CDH13: variants seen among roughly 807,000 people sequenced by gnomAD.
CDH13 encodes cadherin 13, also known as cadherin-13.
A neutral mutation model predicts 63.8 loss-of-function variants in CDH13; 24 were observed. That is an observed-to-expected ratio of 0.38 (90% CI 0.27 to 0.53). The LOEUF (loss-of-function observed/expected upper bound fraction) is 0.53, where lower values mean the gene tolerates loss of function less well. Ranked by LOEUF, CDH13 falls within the 20% of genes least tolerant of loss-of-function variation. The pLI, the probability that CDH13 is intolerant of heterozygous loss-of-function variation, is 0.85. For synonymous variants in CDH13, 503 were observed against 355.3 expected (o/e 1.42, Z -4.67); for missense variants, 1,049 against 903.1 (o/e 1.16, Z -2.07).
rs1555529667 is a variant in CDH13, at chr16:82,656,306, G to GGTGT, written c.45+29171_45+29174dup. ...GGAGTGCACCTGGTTGCATTTGAAT[G>GGTGT]GTGTGCGTGTGTGTGTGTGTGTGTG... On this transcript the variant is annotated intron_variant, in intron 1 of 13. Transcript: ENST00000567109. Among the ~76,000 whole-genome samples the GGTGT allele has an allele frequency of 5.8e-4, 85 of 147,316 alleles. 1 individual carries two copies. The highest frequency in any genetic ancestry group is 2.1e-3 in the African/African-American group (82 of 38,208).
chr16:82,959,314 G>C (rs1475178546), intron 2 of CDH13, among the ~76,000 whole-genome samples: 1 of 152,176 alleles, frequency 6.6e-6, no homozygotes, highest in Non-Finnish European at 1.5e-5. Context: ...AAACCTGCAT[G>C]GTGATTTTTG....
intron 1 of CDH13, among the ~76,000 whole-genome samples, chr16:82,853,391 A>C (rs2039570979): frequency 6.6e-6 from 1 of 152,212 alleles, no homozygotes; most frequent in African/African-American, 2.4e-5. Flanking sequence ...ATGAATATGG[A>C]TTTAAATATA....
intron 4 of CDH13, among the ~76,000 whole-genome samples, chr16:83,173,661 A>G (rs1016100860): frequency 2.0e-5 from 3 of 152,102 alleles, no homozygotes; most frequent in East Asian, 3.8e-4. Context: ...CTGTATTTTT[A>G]TTTGCAAAAT....
At chr16:83,399,111 G>T (rs2091929858) in intron 6 of CDH13, among the ~76,000 whole-genome samples, 1 of 152,174 alleles carries the variant, frequency 6.6e-6, no homozygotes, top group Admixed American at 6.5e-5. Flanking sequence ...CATTGCCATG[G>T]CATGTTTCAA....
chr16:83,328,375 A>G (rs2090414123), intron 5 of CDH13, among the ~76,000 whole-genome samples: 1 of 152,170 alleles, frequency 6.6e-6, no homozygotes, highest in South Asian at 2.1e-4. Flanking sequence ...GCTGAACTAG[A>G]ATGATTTTGG....
chr16:82,693,667 C>G (rs976279048), intron 1 of CDH13, among the ~76,000 whole-genome samples: 1 of 152,218 alleles, frequency 6.6e-6, no homozygotes, highest in Non-Finnish European at 1.5e-5. Flanking sequence ...CATTAATGAG[C>G]ACTGCTGTGC....
intron 11 of CDH13, among the ~76,000 whole-genome samples, chr16:83,759,680 A>G (rs1913800794): frequency 6.6e-6 from 1 of 152,172 alleles, no homozygotes. Context: ...TAATCCCAGC[A>G]CCTTGGGAAG....
rs1567490228 is a variant in CDH13, at chr16:83,658,055, TATCCTCACCACCA to T, written c.1102-12734_1102-12722del. On this transcript the variant is annotated intron_variant, in intron 8 of 13. Transcript: ENST00000567109. ...CCATGTCCTCACCAGCAAGGTCCCA[TATCCTCACCACCA>T]GGTGCCATGTCCTCACCAGCAAGGT... Among the ~76,000 whole-genome samples, 448 of 89,496 alleles carry T rather than the reference TATCCTCACCACCA, an allele frequency of 5.0e-3. 20 individuals are homozygous for T. Among genetic ancestry groups the T allele is most frequent in the African/African-American group, 0.017 (430 of 24,580 alleles). The allele number at this position is 89,496 out of a possible 152,430, so 58.7% of individuals were successfully genotyped here. A position where few individuals can be genotyped will look rare whatever the true frequency, so the allele number is the denominator to read the frequency against.
chr16:83,045,901 T>A (rs72796205), intron 3 of CDH13, among the ~76,000 whole-genome samples: 12 of 152,316 alleles, frequency 7.9e-5, no homozygotes, highest in Non-Finnish European at 1.5e-4. Context: ...TGTAGAAAAA[T>A]TAGCCTATTT....
At chr16:82,924,214 A>G (rs1309314102) in intron 2 of CDH13, among the ~76,000 whole-genome samples, 1 of 152,228 alleles carries the variant, frequency 6.6e-6, no homozygotes, top group African/African-American at 2.4e-5. Context: ...GGTTAGCAAA[A>G]CAGAAGATAA....
intron 8 of CDH13, among the ~76,000 whole-genome samples, chr16:83,629,795 T>C (rs973151295): frequency 3.3e-5 from 5 of 152,192 alleles, no homozygotes; most frequent in Admixed American, 6.5e-5. Context: ...CAGCATCCAA[T>C]TGGAAAACTC....
chr16:83,773,501 A>C (rs138749518), intron 11 of CDH13, among the ~76,000 whole-genome samples: 1 of 152,248 alleles, frequency 6.6e-6, no homozygotes, highest in Non-Finnish European at 1.5e-5. Context: ...GACACTTATA[A>C]AACCATCCGA....
At chr16:83,032,292 T>C (rs151097273) in intron 3 of CDH13, 74 bp downstream of exon 3, 1 of 1,124,938 alleles carries the variant, frequency 8.9e-7, no homozygotes, top group East Asian at 2.5e-5. Flanking sequence ...GGAAAATGGG[T>C]CTTTAATTTA....
intron 8 of CDH13, among the ~76,000 whole-genome samples, chr16:83,644,237 C>G (rs1362322395): frequency 6.6e-6 from 1 of 152,198 alleles, no homozygotes; most frequent in African/African-American, 2.4e-5. Context: ...ACCCAAGGTG[C>G]TTCCATGGTC....
intron 10 of CDH13, among the ~76,000 whole-genome samples, chr16:83,722,939 T>C (rs190591315): frequency 5.9e-5 from 9 of 152,350 alleles, no homozygotes; most frequent in Admixed American, 4.6e-4. Flanking sequence ...AGTTCCTAAA[T>C]CATGCACCTG....
At chr16:82,695,362 A>G (rs1393099980) in intron 1 of CDH13, among the ~76,000 whole-genome samples, 3 of 152,196 alleles carry the variant, frequency 2.0e-5, no homozygotes, top group African/African-American at 7.2e-5. Flanking sequence ...CTTACTCAGG[A>G]CTTGGTTGCC....
At chr16:83,749,884 C>T (rs372252753) in intron 11 of CDH13, among the ~76,000 whole-genome samples, 30 of 152,132 alleles carry the variant, frequency 2.0e-4, no homozygotes, top group Non-Finnish European at 3.5e-4. Flanking sequence ...ATCTCACCTG[C>T]GTGATGAAGG....
chr16:83,463,543 G>T (rs2073232804), intron 6 of CDH13, among the ~76,000 whole-genome samples: 1 of 152,226 alleles, frequency 6.6e-6, no homozygotes, highest in Non-Finnish European at 1.5e-5. Context: ...GCTCCTGCTT[G>T]TAATCCCAGC....
chr16:83,313,990 C>G (rs890199135), intron 5 of CDH13, among the ~76,000 whole-genome samples: 10 of 152,166 alleles, frequency 6.6e-5, no homozygotes, highest in Non-Finnish European at 1.0e-4. Context: ...TTTTCCAGCA[C>G]ACAAATCCTA....
Sources: allele counts gnomAD v4.1 joint callset (sites outside exome capture counted in the v4.1 genomes callset), GRCh38; gene constraint gnomAD v4.1.1; transcripts MANE v1.5; gene names NCBI Gene and HGNC (gene_info 2026-07-23, HGNC 2026-07-21).